PPM1D: variants seen among roughly 807,000 people sequenced by gnomAD.
PPM1D encodes the protein protein phosphatase, Mg2+/Mn2+ dependent 1D.
PPM1D carries 52 observed loss-of-function variants against 58.3 expected under a neutral mutation model. The ratio of observed to expected loss-of-function variants is 0.89; its 90% confidence interval spans 0.71 to 1.12. PPM1D has a LOEUF of 1.12. Among genes scored for constraint, PPM1D ranks in the 50% most tolerant of loss-of-function variants. The pLI is 0.00. For synonymous variants in PPM1D, 278 were observed against 285.1 expected, an observed-to-expected ratio of 0.98 and a Z score of 0.25; for missense variants, 564 against 777.2, an observed-to-expected ratio of 0.73 and a Z score of 3.26.
intron 3 of PPM1D, among the ~76,000 whole-genome samples, chr17:60,645,564 A>G (rs201753542): frequency 3.3e-4 from 42 of 127,954 alleles, no homozygotes; most frequent in South Asian, 1.6e-3. Flanking sequence ...ATGTGTGTGT[A>G]TATATATGTA....
chr17:60,600,890 A>T lies in PPM1D; in HGVS notation c.472+4A>T. The T allele has an allele frequency of 6.2e-7, 1 of 1,613,062 alleles. No individual in the cohort carries two copies. The highest frequency in any genetic ancestry group is 8.5e-7 in the Non-Finnish European group (1 of 1,180,028). On this transcript the variant is annotated splice_donor_region_variant and intron_variant, in intron 1 of 5. Transcript: ENST00000305921. ...CTTGCCATGTGGAAGAAACTGGGTA[A>T]GTTCCCTGGCTTGTTTGGCGCCCGC...
At chr17:60,642,808 TGTA>T (rs1325268157) in intron 3 of PPM1D, among the ~76,000 whole-genome samples, 1 of 152,084 alleles carries the variant, frequency 6.6e-6, no homozygotes, top group Non-Finnish European at 1.5e-5. Flanking sequence ...GGCTTATGCC[TGTA>T]ATCCCAGCAC....
At chr17:60,626,463 C>A (rs1057289107) in intron 2 of PPM1D, among the ~76,000 whole-genome samples, 1 of 150,732 alleles carries the variant, frequency 6.6e-6, no homozygotes, top group African/African-American at 2.4e-5. Flanking sequence ...GGCGCGATCT[C>A]GGCTCACTGC....
chr17:60,627,712 G>A (rs989073959), intron 2 of PPM1D, among the ~76,000 whole-genome samples: 4 of 151,032 alleles, frequency 2.6e-5, no homozygotes, highest in South Asian at 4.2e-4. Context: ...GAGCCAATTC[G>A]CCTGACCAGG....
chr17:60,614,030 G>C (rs2030525960), intron 1 of PPM1D, among the ~76,000 whole-genome samples: 1 of 152,242 alleles, frequency 6.6e-6, no homozygotes, highest in South Asian at 2.1e-4. Context: ...GTGGGCGCAA[G>C]GCCCGGGACT....
Position 60,645,429 on chromosome 17 carries a change from G to T in PPM1D, c.827-2463G>T, listed in dbSNP as rs1238518972. 1.7e-4 allele frequency among the ~76,000 whole-genome samples: 25 copies of T among 146,362 alleles called. No homozygotes were observed. The Admixed American group carries it at 1.7e-3, about 10-fold the overall frequency. On this transcript the variant is annotated intron_variant, in intron 3 of 5. Transcript: ENST00000305921. ...AAAGAGTTGGAAACTTGAAAGGATG[G>T]TTTCACCAAAGCAATGTAAAATATA... is the stretch of plus-strand genomic sequence containing the variant.
intron 1 of PPM1D, chr17:60,604,806 ATTC>A (rs1470417585): frequency 6.6e-6 from 1 of 152,136 alleles, no homozygotes; most frequent in Non-Finnish European, 1.5e-5. Context: ...CATCAAGGAT[ATTC>A]TTTTTTTAAT....
chr17:60,643,281 G>T (rs1478225449), intron 3 of PPM1D, among the ~76,000 whole-genome samples: 1 of 152,040 alleles, frequency 6.6e-6, no homozygotes. Flanking sequence ...TACTTGGAAG[G>T]CAGGTGAGAG....
At chr17:60,612,308 T>TA (rs1355511203) in intron 1 of PPM1D, among the ~76,000 whole-genome samples, 10 of 152,170 alleles carry the variant, frequency 6.6e-5, no homozygotes, top group African/African-American at 2.4e-4. Context: ...ATATGTTGCT[T>TA]AACAACAGGG....
At chr17:60,642,522 G>A (rs532160650) in intron 3 of PPM1D, among the ~76,000 whole-genome samples, 19 of 152,066 alleles carry the variant, frequency 1.2e-4, no homozygotes, top group African/African-American at 4.3e-4. Flanking sequence ...GCAGTGGCGC[G>A]ATCTCGGCTC....
At chr17:60,657,037 A>C in intron 5 of PPM1D, 196 bp downstream of exon 5, 1 of 1,484,866 alleles carries the variant, frequency 6.7e-7, no homozygotes, top group Non-Finnish European at 8.9e-7. Flanking sequence ...CAGCACTAAT[A>C]AAAAGGTGAT....
At chr17:60,643,584 A>T (rs2031178351) in intron 3 of PPM1D, among the ~76,000 whole-genome samples, 1 of 152,190 alleles carries the variant, frequency 6.6e-6, no homozygotes, top group Non-Finnish European at 1.5e-5. Flanking sequence ...TATTTCACAG[A>T]GCCTCAAACT....
chr17:60,606,768 A>G (rs981201964), intron 1 of PPM1D, among the ~76,000 whole-genome samples: 2 of 152,122 alleles, frequency 1.3e-5, no homozygotes, highest in South Asian at 4.1e-4. Context: ...TTTGGTAAAT[A>G]CAGTATGGAA....
rs1158060670 is a variant in PPM1D at position 60,616,118 on chromosome 17, G to A, written c.473-7403G>A. Among the ~76,000 whole-genome samples the A allele has an allele frequency of 2.6e-5, 4 of 152,072 alleles. No homozygotes were observed. The East Asian group carries it at 7.7e-4, about 29-fold the overall frequency. On this transcript the variant is annotated intron_variant, in intron 1 of 5. Coordinates refer to ENST00000305921, the MANE Select transcript of PPM1D (RefSeq NM_003620.4). ...CCTCCCAAGCTCAAGTGATTCTTGAGCCTCAGCCTCCTGTAACTGGGGTTA... is the reference window on the plus strand; with the variant it reads ...CCTCCCAAGCTCAAGTGATTCTTGAACCTCAGCCTCCTGTAACTGGGGTTA...
chr17:60,664,973 T>C lies in PPM1D; in HGVS notation c.*1421T>C, dbSNP rs1428710796. On this transcript the variant is annotated 3_prime_UTR_variant, in exon 6 of 6. Transcript: ENST00000305921. ...GGTGTGTGCCACCACACCCGGCTAATTTTTTTTTTTTTTTTTGAGATGGAG... is the reference window on the plus strand; with the variant it reads ...GGTGTGTGCCACCACACCCGGCTAACTTTTTTTTTTTTTTTTGAGATGGAG... 1 of 120,614 alleles carries C rather than the reference T, an allele frequency of 8.3e-6. No homozygotes were observed. Among genetic ancestry groups the C allele is most frequent in the Admixed American group, 7.9e-5 (1 of 12,728 alleles). 7.5% of individuals were successfully genotyped at this position (120,614 alleles called of 1,614,324 possible). A position where few individuals can be genotyped will look rare whatever the true frequency, so the allele number is the denominator to read the frequency against.
chr17:60,602,517 T>C (rs1325454234), intron 1 of PPM1D, among the ~76,000 whole-genome samples: 1 of 151,850 alleles, frequency 6.6e-6, no homozygotes, highest in Non-Finnish European at 1.5e-5. Flanking sequence ...GATCCTGGGC[T>C]CAAGCGATCC....
At chr17:60,645,514 A>G (rs12943520) in intron 3 of PPM1D, among the ~76,000 whole-genome samples, 45 of 123,562 alleles carry the variant, frequency 3.6e-4, no homozygotes, top group African/African-American at 1.1e-3. Flanking sequence ...ATATATGTGT[A>G]TATATATGTA....
intron 1 of PPM1D, among the ~76,000 whole-genome samples, chr17:60,616,572 T>C (rs1469677302): frequency 1.3e-5 from 2 of 152,100 alleles, no homozygotes; most frequent in African/African-American, 4.8e-5. Context: ...ATCACGCCTC[T>C]GCACTCCGGC....
At chr17:60,644,271 T>A (rs1183561193) in intron 3 of PPM1D, among the ~76,000 whole-genome samples, 1 of 152,098 alleles carries the variant, frequency 6.6e-6, no homozygotes, top group African/African-American at 2.4e-5. Flanking sequence ...TAAAAATGAC[T>A]AAAAAATGAC....
Sources: allele counts gnomAD v4.1 joint callset (sites outside exome capture counted in the v4.1 genomes callset), GRCh38; gene constraint gnomAD v4.1.1; transcripts MANE v1.5; gene names NCBI Gene and HGNC (gene_info 2026-07-23, HGNC 2026-07-21).